Variants in CCDC149 observed in about 807,000 individuals in gnomAD.
CCDC149 encodes coiled-coil domain-containing protein 149.
In CCDC149, 45 loss-of-function variants were observed where a neutral mutation model predicts 59.9. That is an observed-to-expected ratio of 0.75 (90% CI 0.59 to 0.96). The LOEUF is 0.96. Among genes scored for constraint, CCDC149 ranks in the 40% least tolerant of loss-of-function variants. The pLI is 0.00. For missense variants in CCDC149, 584 were observed against 664.7 expected (o/e 0.88, Z 1.33); for synonymous variants, 245 against 260.6 (o/e 0.94, Z 0.58).
intron 3 of CCDC149, among the ~76,000 whole-genome samples, chr4:24,863,112 G>A (rs1718480801): frequency 1.3e-5 from 2 of 152,052 alleles, no homozygotes; most frequent in Non-Finnish European, 1.5e-5. Flanking sequence ...GACCAACATG[G>A]CAAAACCCCA....
intron 3 of CCDC149, among the ~76,000 whole-genome samples, chr4:24,865,654 C>A (rs961104303): frequency 6.6e-6 from 1 of 152,218 alleles, no homozygotes; most frequent in East Asian, 1.9e-4. Flanking sequence ...CCAGGCCCCA[C>A]AGGCAAATGC....
At chr4:24,861,447 G>C (rs1718380111) in intron 3 of CCDC149, among the ~76,000 whole-genome samples, 1 of 152,078 alleles carries the variant, frequency 6.6e-6, no homozygotes. Context: ...GGACACAAAG[G>C]CATAAGAATG....
chr4:24,837,201 C>A lies in CCDC149; in HGVS notation c.662+27G>T. The A allele has an allele frequency of 2.5e-6, 4 of 1,607,944 alleles. 1 individual carries two copies. The South Asian group carries it at 4.4e-5, about 18-fold the overall frequency. On this transcript the variant is annotated intron_variant, in intron 6 of 12. Transcript: ENST00000635206. This position sits in a 1 kb window ranked among gnomAD's most constrained non-coding sequence, Gnocchi z 4.3. ...CTGTGCAGAGCCAGCCTTCCTCCCACGCACAGGCCTGGGCCTGGCCACTTG... is the reference window on the plus strand; with the variant it reads ...CTGTGCAGAGCCAGCCTTCCTCCCAAGCACAGGCCTGGGCCTGGCCACTTG...
chr4:24,954,263 G>C (rs1385150106), intron 1 of CCDC149, among the ~76,000 whole-genome samples: 1 of 152,190 alleles, frequency 6.6e-6, no homozygotes, highest in Non-Finnish European at 1.5e-5. Context: ...TACAGCCCAG[G>C]CTTCATGCAT....
chr4:24,952,520 G>A (rs1471782779), intron 1 of CCDC149, among the ~76,000 whole-genome samples: 4 of 143,270 alleles, frequency 2.8e-5, no homozygotes, highest in African/African-American at 7.7e-5. Context: ...TGAACCAGGG[G>A]GCTGGGCAGA....
Position 24,821,038 on chromosome 4 carries a change from T to A in CCDC149, c.1075+17A>T. On this transcript the variant is annotated intron_variant, in intron 11 of 12. Coordinates refer to ENST00000635206, the MANE Select transcript of CCDC149 (RefSeq NM_001330643.2). Reference sequence around the variant, plus strand: ...CTGATATTAGCCACAAAAACGGATATTTTAAACAGAACATACTCCCAAATC... The same window carrying A: ...CTGATATTAGCCACAAAAACGGATAATTTAAACAGAACATACTCCCAAATC... 8.1e-7 allele frequency: 1 copy of A among 1,228,682 alleles called. No homozygotes were observed. The highest frequency in any genetic ancestry group is 1.0e-6 in the Non-Finnish European group (1 of 985,260). 76.1% of individuals were successfully genotyped at this position (1,228,682 alleles called of 1,614,324 possible).
intron 3 of CCDC149, among the ~76,000 whole-genome samples, chr4:24,861,166 T>G (rs1010114818): frequency 6.6e-6 from 1 of 152,162 alleles, no homozygotes; most frequent in Non-Finnish European, 1.5e-5. Context: ...TGCACATGCA[T>G]GTTTGTAGCA....
At chr4:24,838,521 C>T (rs894752987) in intron 4 of CCDC149, among the ~76,000 whole-genome samples, 1 of 152,036 alleles carries the variant, frequency 6.6e-6, no homozygotes, top group Admixed American at 6.5e-5. Flanking sequence ...TGGAGCACTG[C>T]CACTGGGAGG....
chr4:24,956,830 C>T (rs1217484830), intron 1 of CCDC149, among the ~76,000 whole-genome samples: 2 of 152,222 alleles, frequency 1.3e-5, no homozygotes, highest in Non-Finnish European at 2.9e-5. Context: ...AAGTAGCATA[C>T]TTCATTCACA....
chr4:24,813,506 AT>A (rs1714789923), intron 12 of CCDC149, among the ~76,000 whole-genome samples: 1 of 142,512 alleles, frequency 7.0e-6, no homozygotes, highest in Non-Finnish European at 1.5e-5. Flanking sequence ...ATATATATAT[AT>A]ATATATATAT....
intron 3 of CCDC149, 43 bp downstream of exon 3, chr4:24,873,638 C>CTAGG (rs1401694175): frequency 7.5e-7 from 1 of 1,331,564 alleles, no homozygotes; most frequent in Non-Finnish European, 1.1e-6. Flanking sequence ...CCAATTGCTG[C>CTAGG]TAGGTATCAA....
intron 9 of CCDC149, among the ~76,000 whole-genome samples, chr4:24,825,539 C>T (rs968924203): frequency 7.9e-5 from 12 of 152,030 alleles, no homozygotes; most frequent in Middle Eastern, 3.4e-3. Context: ...TTTGGGAGGA[C>T]GAGGCAGGCG....
In CCDC149 at chr4:24,831,509, T is replaced by A; in HGVS notation, c.962A>T (p.Asn321Ile). Residue 321 changes from asparagine (N) to isoleucine (I), a missense_variant, in exon 9 of 13, where the codon AAC (asparagine) becomes ATC (isoleucine). Physicochemically the swap from Asn to Ile is moderately radical, Grantham distance 149. Transcript: ENST00000635206. ...ACACAAGAGTTTGGCCACCTACTTG[T>A]TGGTTTGCCTCTGGTGCTGAATGAC... 2.5e-6 allele frequency: 4 copies of A among 1,613,922 alleles called. No individual in the cohort carries two copies. The highest frequency in any genetic ancestry group is 3.4e-6 in the Non-Finnish European group (4 of 1,179,936).
Position 24,819,917 on chromosome 4 carries a change from T to C in CCDC149, c.1134A>G (p.Arg378=). The change falls in exon 12 of 13, where the codon AGA becomes AGG. Residue 378 remains arginine (R), a synonymous_variant. Transcript: ENST00000635206. ...GCTCGACAAACTTCAGCAGTGGGGA[T>C]CTCGACCTCTGTCCACTAGGAAGAG... 6.4e-7 allele frequency: 1 copy of C among 1,551,664 alleles called. No homozygotes were observed. The highest frequency in any genetic ancestry group is 1.2e-5 in the South Asian group (1 of 84,048).
In CCDC149 at chr4:24,868,845, GT is replaced by G. The variant is rs766436298; in HGVS notation, c.264+4835del. Among the ~76,000 whole-genome samples, 3 of 152,292 alleles carry G rather than the reference GT, an allele frequency of 2.0e-5. No individual in the cohort carries two copies. The East Asian group carries it at 5.8e-4, about 29-fold the overall frequency. On this transcript the variant is annotated intron_variant, in intron 3 of 12. Transcript: ENST00000635206. ...GTGAGCTCTGAGTGGACTGCAGAGG[GT>G]CAAAGCTCTGGCTCCATCACCAGTT...
chr4:24,863,170 G>A (rs575258530), intron 3 of CCDC149, among the ~76,000 whole-genome samples: 13 of 152,240 alleles, frequency 8.5e-5, no homozygotes, highest in Middle Eastern at 3.4e-3. Flanking sequence ...GTATGCACCC[G>A]TAGTCCCAGC....
At chr4:24,918,473 C>T (rs1263435883) in intron 1 of CCDC149, among the ~76,000 whole-genome samples, 2 of 152,166 alleles carry the variant, frequency 1.3e-5, no homozygotes, top group Non-Finnish European at 2.9e-5. Flanking sequence ...CAGTTGGTAG[C>T]AACCTCTCTA....
intron 1 of CCDC149, among the ~76,000 whole-genome samples, chr4:24,951,116 G>C (rs1723275176): frequency 6.6e-6 from 1 of 152,244 alleles, no homozygotes; most frequent in African/African-American, 2.4e-5. Flanking sequence ...ATCACCACAT[G>C]TGTGGGTTCC....
At chr4:24,962,158 A>G (rs1214102307) in intron 1 of CCDC149, among the ~76,000 whole-genome samples, 1 of 152,206 alleles carries the variant, frequency 6.6e-6, no homozygotes, top group African/African-American at 2.4e-5. Flanking sequence ...AAGGATATGA[A>G]CAGACACTTC....
Sources: gnomAD v4.1 joint callset for allele counts (sites outside exome capture counted in the v4.1 genomes callset) on GRCh38, gnomAD v4.1.1 for gene constraint, Gnocchi (gnomAD v3.1) non-coding constraint, MANE v1.5 for transcripts, NCBI Gene and HGNC (gene_info 2026-07-23, HGNC 2026-07-21) for gene names.